Variants in HLF observed in about 807,000 individuals in gnomAD.
HLF encodes the protein hepatic leukemia factor.
HLF carries 3 observed loss-of-function variants against 22.6 expected under a neutral mutation model. That is an observed-to-expected ratio of 0.13 (90% CI 0.06 to 0.34). The LOEUF (loss-of-function observed/expected upper bound fraction) is 0.34, where lower values mean the gene tolerates loss of function less well. Among genes scored for constraint, HLF ranks in the 10% least tolerant of loss-of-function variants. The pLI, the probability that HLF is intolerant of heterozygous loss-of-function variation, is 1.00. For missense variants in HLF, 299 were observed against 389.2 expected, an observed-to-expected ratio of 0.77 and a Z score of 1.95; for synonymous variants, 151 against 151.8, an observed-to-expected ratio of 0.99 and a Z score of 0.04.
At chr17:55,284,871 A>G (rs2080988701) in intron 2 of HLF, among the ~76,000 whole-genome samples, 1 of 152,228 alleles carries the variant, frequency 6.6e-6, no homozygotes, top group African/African-American at 2.4e-5. Flanking sequence ...AAGAGGGCCC[A>G]GTGAGCAGGG....
chr17:55,278,582 C>T (rs2080926915), intron 2 of HLF, among the ~76,000 whole-genome samples: 1 of 152,124 alleles, frequency 6.6e-6, no homozygotes, highest in South Asian at 2.1e-4. Flanking sequence ...AGGCCCTGAC[C>T]AATGGGAATC....
intron 2 of HLF, among the ~76,000 whole-genome samples, chr17:55,270,271 A>G (rs2080839847): frequency 6.6e-6 from 1 of 152,254 alleles, no homozygotes; most frequent in Admixed American, 6.5e-5. Context: ...ACACACTTCA[A>G]CATAGTTTCC....
chr17:55,313,386 G>A (rs1406476899), intron 2 of HLF, among the ~76,000 whole-genome samples: 2 of 151,456 alleles, frequency 1.3e-5, no homozygotes, highest in African/African-American at 4.9e-5. Context: ...GTGTGTGTGT[G>A]TGTACAGCTT....
In HLF at chr17:55,308,985, G is replaced by A. The variant is rs564746076; in HGVS notation, c.452-6242G>A. On this transcript the variant is annotated intron_variant, in intron 2 of 3. Coordinates refer to ENST00000226067, the MANE Select transcript of HLF (RefSeq NM_002126.5). Reference sequence around the variant, plus strand: ...GTAATGACAGAAGTGCTACAGAAAAGGGGCAGAAACATGCAAAGCCTCTTT... The same window carrying A: ...GTAATGACAGAAGTGCTACAGAAAAAGGGCAGAAACATGCAAAGCCTCTTT... 2.5e-3 allele frequency among the ~76,000 whole-genome samples: 377 copies of A among 152,334 alleles called. 1 individual carries two copies. Among genetic ancestry groups the A allele is most frequent in the Non-Finnish European group, 4.4e-3 (296 of 68,028 alleles).
chr17:55,321,430 T>TA lies in HLF; in HGVS notation c.*552dup. 1 of 232,578 alleles carries TA rather than the reference T, an allele frequency of 4.3e-6. No homozygotes were observed. Among genetic ancestry groups the TA allele is most frequent in the East Asian group, 6.1e-5 (1 of 16,392 alleles). The allele number at this position is 232,578 out of a possible 1,614,324, so 14.4% of individuals were successfully genotyped here. On this transcript the variant is annotated 3_prime_UTR_variant, in exon 4 of 4. Transcript: ENST00000226067. ...AGTCCTTTATAAGTTGCTTTCCTCT[T>TA]ACTTTCAGTTTTGGTGATAATCGTC...
At chr17:55,295,548 CAAACGTGGTG>C (rs2081104436) in intron 2 of HLF, among the ~76,000 whole-genome samples, 3 of 152,234 alleles carry the variant, frequency 2.0e-5, no homozygotes, top group Admixed American at 2.0e-4. Context: ...CCACACGTCT[CAAACGTGGTG>C]TTTAAAGAAG....
At chr17:55,287,428 T>C (rs900182857) in intron 2 of HLF, among the ~76,000 whole-genome samples, 1 of 152,226 alleles carries the variant, frequency 6.6e-6, no homozygotes, top group Non-Finnish European at 1.5e-5. Flanking sequence ...CCATGGTCAC[T>C]GTGTAAGCCC....
At chr17:55,281,729 C>T (rs1180645898) in intron 2 of HLF, among the ~76,000 whole-genome samples, 1 of 152,220 alleles carries the variant, frequency 6.6e-6, no homozygotes, top group Non-Finnish European at 1.5e-5. Context: ...GGAATTTAGT[C>T]TGTTCCCAAG....
At chr17:55,309,067 A>C (rs1904711623) in intron 2 of HLF, among the ~76,000 whole-genome samples, 1 of 152,226 alleles carries the variant, frequency 6.6e-6, no homozygotes, top group African/African-American at 2.4e-5. Flanking sequence ...GGCCAGTGCA[A>C]GTCAGAGACC....
intron 2 of HLF, among the ~76,000 whole-genome samples, chr17:55,291,231 A>G (rs186777274): frequency 3.3e-5 from 5 of 152,330 alleles, no homozygotes; most frequent in Admixed American, 3.3e-4. Flanking sequence ...TTCAATATAG[A>G]CTACACAGCC....
intron 2 of HLF, among the ~76,000 whole-genome samples, chr17:55,274,736 C>T (rs971037028): frequency 5.3e-5 from 8 of 152,184 alleles, no homozygotes; most frequent in African/African-American, 1.9e-4. Flanking sequence ...TTGGACCTGC[C>T]TCATAGGACT....
At chr17:55,295,988 G>T (rs1418323141) in intron 2 of HLF, among the ~76,000 whole-genome samples, 8 of 152,206 alleles carry the variant, frequency 5.3e-5, no homozygotes, top group Non-Finnish European at 1.0e-4. Flanking sequence ...TGTCTAAAAT[G>T]CCCTTGATAG....
chr17:55,299,557 C>A (rs2081138695), intron 2 of HLF, among the ~76,000 whole-genome samples: 1 of 152,144 alleles, frequency 6.6e-6, no homozygotes, highest in South Asian at 2.1e-4. Context: ...ATGAACACTT[C>A]TAACAAAATG....
intron 2 of HLF, among the ~76,000 whole-genome samples, chr17:55,297,625 C>G (rs2081121252): frequency 6.6e-6 from 1 of 151,914 alleles, no homozygotes; most frequent in Non-Finnish European, 1.5e-5. Context: ...GACTTGTCAC[C>G]CTCTGCTGTG....
intron 2 of HLF, among the ~76,000 whole-genome samples, chr17:55,306,980 C>CAGCT: frequency 6.6e-6 from 1 of 151,932 alleles, no homozygotes; most frequent in South Asian, 2.1e-4. Flanking sequence ...CTGTAGATCT[C>CAGCT]AGCTAGGTTG....
At chr17:55,316,065 G>A (rs995604185) in intron 3 of HLF, among the ~76,000 whole-genome samples, 1 of 152,202 alleles carries the variant, frequency 6.6e-6, no homozygotes, top group African/African-American at 2.4e-5. Flanking sequence ...TCTCTGCAGT[G>A]TTGAAGGGAC....
intron 1 of HLF, 97 bp downstream of exon 1, chr17:55,265,696 T>G: frequency 9.4e-7 from 1 of 1,059,854 alleles, no homozygotes; most frequent in South Asian, 1.8e-5. Context: ...CCAACCCCGC[T>G]CCCGCCCTGT....
chr17:55,300,073 A>G (rs1408330321), intron 2 of HLF, among the ~76,000 whole-genome samples: 2 of 152,322 alleles, frequency 1.3e-5, no homozygotes, highest in East Asian at 3.9e-4. Flanking sequence ...TCCAAGCCTC[A>G]GGTTATCCTC....
chr17:55,268,766 A>G (rs946825621), intron 2 of HLF, among the ~76,000 whole-genome samples: 6 of 149,910 alleles, frequency 4.0e-5, no homozygotes, highest in Non-Finnish European at 5.9e-5. Flanking sequence ...TCATCTGTCT[A>G]TCACACTCAG....
Sources: allele counts gnomAD v4.1 joint callset (sites outside exome capture counted in the v4.1 genomes callset), GRCh38; gene constraint gnomAD v4.1.1; transcripts MANE v1.5; gene names NCBI Gene and HGNC (gene_info 2026-07-23, HGNC 2026-07-21).